Variants in COL28A1 observed in about 807,000 individuals in gnomAD.
COL28A1 encodes the protein collagen type XXVIII alpha 1 chain, also known as collagen alpha-1(XXVIII) chain.
A neutral mutation model predicts 150.2 loss-of-function variants in COL28A1; 161 were observed. That is an observed-to-expected ratio of 1.07 (90% CI 0.94 to 1.22). The LOEUF (loss-of-function observed/expected upper bound fraction) is 1.22, where lower values mean the gene tolerates loss of function less well. COL28A1 is among the 50% of genes most tolerant of loss of function. The pLI is 0.00. For missense variants in COL28A1, 1,617 were observed against 1,388.3 expected (o/e 1.16, Z -2.62); for synonymous variants, 552 against 469.7 (o/e 1.18, Z -2.26).
intron 21 of COL28A1, among the ~76,000 whole-genome samples, chr7:7,438,758 TGGAG>T (rs2128318537): frequency 6.6e-6 from 1 of 152,318 alleles, no homozygotes; most frequent in Admixed American, 6.5e-5. Flanking sequence ...AAAATTTTAC[TGGAG>T]GGGTTTATAA....
intron 25 of COL28A1, among the ~76,000 whole-genome samples, chr7:7,424,347 C>T (rs1487076882): frequency 1.3e-5 from 2 of 152,176 alleles, no homozygotes; most frequent in African/African-American, 4.8e-5. Flanking sequence ...TAGGCCACCA[C>T]ACCTGGTAAA....
chr7:7,427,441 G>T (rs370290417), intron 25 of COL28A1, among the ~76,000 whole-genome samples: 1 of 152,300 alleles, frequency 6.6e-6, no homozygotes, highest in African/African-American at 2.4e-5. Flanking sequence ...AGCCCTCCTT[G>T]TTGGGCACTG....
chr7:7,348,895 G>A, the COL28A1 span, among the ~76,000 whole-genome samples: 1 of 151,820 alleles, frequency 6.6e-6, no homozygotes, highest in African/African-American at 2.4e-5. Context: ...AGCACCTGCC[G>A]CCACACCCAG....
chr7:7,341,495 C>T, the COL28A1 span, among the ~76,000 whole-genome samples: 3 of 152,154 alleles, frequency 2.0e-5, no homozygotes, highest in South Asian at 4.1e-4. Flanking sequence ...GCCTCAGCCT[C>T]GAACTTCTAG....
intron 27 of COL28A1, among the ~76,000 whole-genome samples, chr7:7,382,747 G>A (rs1480797657): frequency 2.0e-5 from 3 of 152,130 alleles, no homozygotes; most frequent in Non-Finnish European, 4.4e-5. Flanking sequence ...TCATTGGCAT[G>A]CTTGATAAAA....
At chr7:7,343,272 T>TATCA in the COL28A1 span, among the ~76,000 whole-genome samples, 1 of 152,198 alleles carries the variant, frequency 6.6e-6, no homozygotes, top group South Asian at 2.1e-4. Flanking sequence ...AAATTTCACA[T>TATCA]GGTATCACCT....
intron 23 of COL28A1, among the ~76,000 whole-genome samples, chr7:7,436,157 C>G (rs746006518): frequency 3.9e-5 from 6 of 152,120 alleles, no homozygotes; most frequent in Non-Finnish European, 8.8e-5. Flanking sequence ...TGCAAAAGAG[C>G]ATTTTTCAAA....
chr7:7,536,464 T>A (rs114302439), upstream of COL28A1, among the ~76,000 whole-genome samples: 1 of 152,202 alleles, frequency 6.6e-6, no homozygotes, highest in Non-Finnish European at 1.5e-5. Context: ...GTGTTCGAAC[T>A]GTAACATGAG....
At chr7:7,383,676 G>A (rs1197897320) in intron 27 of COL28A1, among the ~76,000 whole-genome samples, 9 of 68,434 alleles carry the variant, frequency 1.3e-4, no homozygotes, top group Non-Finnish European at 2.7e-4. Context: ...TTGTGTGTGT[G>A]TGTGTGTATA....
At chr7:7,506,492 G>C (rs1321642861) in intron 10 of COL28A1, among the ~76,000 whole-genome samples, 2 of 152,180 alleles carry the variant, frequency 1.3e-5, no homozygotes, top group African/African-American at 4.8e-5. Context: ...AAAGAAGTTA[G>C]TGGTTAACTA....
At chr7:7,529,739 T>C (rs556451868) in intron 3 of COL28A1, among the ~76,000 whole-genome samples, 2 of 152,290 alleles carry the variant, frequency 1.3e-5, no homozygotes, top group Admixed American at 6.5e-5. Flanking sequence ...AAGGTGAAGA[T>C]GAATAAGTAA....
chr7:7,495,642 G>A (rs752095037), intron 11 of COL28A1, among the ~76,000 whole-genome samples: 15 of 152,034 alleles, frequency 9.9e-5, no homozygotes, highest in African/African-American at 2.4e-4. Context: ...CATATGCAAC[G>A]CATCCCAACA....
intron 27 of COL28A1, among the ~76,000 whole-genome samples, chr7:7,390,416 G>A (rs577403782): frequency 6.6e-6 from 1 of 152,200 alleles, no homozygotes; most frequent in African/African-American, 2.4e-5. Flanking sequence ...GAGAATTTTT[G>A]CATTGATGTT....
chr7:7,417,531 AGGGAGGGAG>A (rs1562590638), intron 27 of COL28A1: 32 of 92,170 alleles, frequency 3.5e-4, no homozygotes, highest in Middle Eastern at 6.0e-3. Flanking sequence ...GGGGGGAGGG[AGGGAGGGAG>A]GGGGGGGGGA....
intron 13 of COL28A1, among the ~76,000 whole-genome samples, chr7:7,479,204 G>T (rs900204980): frequency 4.6e-5 from 7 of 152,194 alleles, no homozygotes; most frequent in Non-Finnish European, 1.0e-4. Flanking sequence ...AATGACTGTG[G>T]CTCTGTTTAA....
Position 7,419,906 on chromosome 7 carries a change from GC to G in COL28A1, c.2045del (p.Gly682AlafsTer2), listed in dbSNP as rs765957638. ...RGPPGPSGPRGVGTQGPKGDT... is the reference protein window; with the variant it reads ...RGPPGPSGPRXVGTQGPKGDT... The stretch of plus-strand genomic sequence containing the variant: ...TCACCTTTGGCCCTTGGGTTCCTAC[GC>G]CCCGAGGCCCAGAAGGACCTGGAGG... On this transcript the variant is annotated frameshift_variant, in exon 26 of 35. Coordinates refer to ENST00000399429, the MANE Select transcript of COL28A1 (RefSeq NM_001037763.3). LOFTEE classifies it high-confidence loss of function. 1.9e-6 allele frequency: 3 copies of G among 1,599,880 alleles called. No individual in the cohort carries two copies. The highest frequency in any genetic ancestry group is 2.6e-6 in the Non-Finnish European group (3 of 1,173,708).
chr7:7,354,498 C>T (rs543112799), downstream of COL28A1, among the ~76,000 whole-genome samples: 1 of 152,174 alleles, frequency 6.6e-6, no homozygotes, highest in Non-Finnish European at 1.5e-5. Context: ...AGGAACGCCC[C>T]TACCTAAAAC....
At chr7:7,463,750 A>T (rs965598201) in intron 15 of COL28A1, among the ~76,000 whole-genome samples, 4 of 152,172 alleles carry the variant, frequency 2.6e-5, no homozygotes, top group Non-Finnish European at 5.9e-5. Context: ...GACCTATAAA[A>T]CAAAAATATA....
rs1387828912 is a variant in COL28A1 at position 7,456,112 on chromosome 7, C to T, written c.1303G>A (p.Gly435Arg). The change falls in exon 16 of 35, where the codon GGG (glycine) becomes AGG (arginine). Residue 435 changes from glycine to arginine, a missense_variant and splice_region_variant. Transcript: ENST00000399429. The part of the protein sequence containing the change: ...LQGLSIKGEK[G>R]DIGPVGPQGP... ...TGGGGTCCCACAGGTCCTATATCCC[C>T]CTGCACAGAAAATAAGCCAGGAAAT... 1.2e-6 allele frequency: 2 copies of T among 1,611,472 alleles called. No individual in the cohort carries two copies. Among genetic ancestry groups the T allele is most frequent in the Admixed American group, 1.7e-5 (1 of 59,798 alleles).
Sources: gnomAD v4.1 joint callset for allele counts (sites outside exome capture counted in the v4.1 genomes callset) on GRCh38, gnomAD v4.1.1 for gene constraint, MANE v1.5 for transcripts, NCBI Gene and HGNC (gene_info 2026-07-23, HGNC 2026-07-21) for gene names.